The following ESYT2 variants were observed in gnomAD, a reference collection of about 807,000 sequenced individuals.
ESYT2 encodes the protein extended synaptotagmin-2.
Under a neutral mutation model 107.2 loss-of-function variants are expected in ESYT2, and 54 were observed. That is an observed-to-expected ratio of 0.50 (90% CI 0.40 to 0.63). ESYT2 has a LOEUF of 0.63. Ranked by LOEUF, ESYT2 falls within the 30% of genes least tolerant of loss-of-function variation. ESYT2 has a pLI of 0.00. For missense variants in ESYT2, 1,020 were observed against 1,094.5 expected (o/e 0.93, Z 0.96); for synonymous variants, 491 against 434.1 (o/e 1.13, Z -1.63).
chr7:158,737,680 C>T (rs1794178109), intron 19 of ESYT2, among the ~76,000 whole-genome samples: 1 of 152,138 alleles, frequency 6.6e-6, no homozygotes, highest in South Asian at 2.1e-4. Flanking sequence ...CAACAGTATC[C>T]CCCACGATCA....
At chr7:158,799,580 T>C (rs1198270182) in intron 1 of ESYT2, among the ~76,000 whole-genome samples, 2 of 152,184 alleles carry the variant, frequency 1.3e-5, no homozygotes, top group African/African-American at 4.8e-5. Context: ...GCTACAACCA[T>C]GCCTGTGATT....
At chr7:158,761,400 C>T (rs1837954486) in intron 11 of ESYT2, 96 bp downstream of exon 11, 2 of 1,009,362 alleles carry the variant, frequency 2.0e-6, no homozygotes, top group South Asian at 1.3e-5. Context: ...GATTCCGGCA[C>T]TGTGTGATGG....
At chr7:158,741,492 G>A (rs773593905) in intron 18 of ESYT2, 31 bp downstream of exon 18, 3 of 1,534,202 alleles carry the variant, frequency 2.0e-6, no homozygotes, top group South Asian at 2.5e-5. Flanking sequence ...TTGCTCTGCT[G>A]GTGAGAAACA....
rs373530288 is a variant in ESYT2, at chr7:158,755,299, A to G, written c.1420-2456T>C. ...GAAGCACTGATCTGGCTTCACGTTG[A>G]AAACCAATGGGTGGGGGAAAAGTTC... On this transcript the variant is annotated intron_variant, in intron 13 of 22. Coordinates refer to ENST00000275418, the MANE Select transcript of ESYT2 (RefSeq NM_001367773.1). Among the ~76,000 whole-genome samples the G allele has an allele frequency of 2.0e-5, 3 of 152,222 alleles. No individual in the cohort carries two copies. In the East Asian group the frequency reaches 5.8e-4, roughly 29 times the overall value.
chr7:158,828,883 C>CGGGGCT (rs1840541289), intron 1 of ESYT2, among the ~76,000 whole-genome samples: 1 of 129,916 alleles, frequency 7.7e-6, no homozygotes, highest in African/African-American at 2.8e-5. Context: ...GCCCGGGGGC[C>CGGGGCT]GGGGCTGGGG....
At chr7:158,813,476 G>T (rs1237021086) in intron 1 of ESYT2, among the ~76,000 whole-genome samples, 1 of 152,210 alleles carries the variant, frequency 6.6e-6, no homozygotes, top group Non-Finnish European at 1.5e-5. Context: ...AAAGGAAGTT[G>T]TAAGAAGGGA....
intron 13 of ESYT2, among the ~76,000 whole-genome samples, 180 bp downstream of exon 13, chr7:158,759,306 C>T (rs1837877831): frequency 6.6e-6 from 1 of 152,190 alleles, no homozygotes; most frequent in African/African-American, 2.4e-5. Flanking sequence ...GAAATGTATG[C>T]ACTCCCAGAG....
intron 19 of ESYT2, 51 bp downstream of exon 19, chr7:158,738,972 G>C: frequency 6.5e-7 from 1 of 1,537,508 alleles, no homozygotes; most frequent in South Asian, 1.1e-5. Context: ...ATCCTATCCA[G>C]CATCCACACT....
At chr7:158,741,403 A>G in intron 18 of ESYT2, 120 bp downstream of exon 18, 1 of 1,400,066 alleles carries the variant, frequency 7.1e-7, no homozygotes, top group South Asian at 1.4e-5. Flanking sequence ...ACCTAAGATT[A>G]GGCCTCCCTC....
At chr7:158,768,199 A>G (rs1018819370) in intron 7 of ESYT2, among the ~76,000 whole-genome samples, 3 of 152,230 alleles carry the variant, frequency 2.0e-5, no homozygotes, top group African/African-American at 4.8e-5. Flanking sequence ...AAACATACAT[A>G]TAAGTACAGA....
intron 7 of ESYT2, among the ~76,000 whole-genome samples, chr7:158,768,625 C>A (rs1159878415): frequency 6.6e-6 from 1 of 152,006 alleles, no homozygotes; most frequent in African/African-American, 2.4e-5. Flanking sequence ...ACCATGTTGG[C>A]GAGGCTGGTC....
chr7:158,796,230 T>A (rs1228889809), intron 3 of ESYT2, among the ~76,000 whole-genome samples: 2 of 152,152 alleles, frequency 1.3e-5, no homozygotes, highest in Non-Finnish European at 2.9e-5. Context: ...AAAACAATGT[T>A]ACCTTGGACT....
At chr7:158,768,661 A>T (rs1396324848) in intron 7 of ESYT2, among the ~76,000 whole-genome samples, 1 of 151,932 alleles carries the variant, frequency 6.6e-6, no homozygotes, top group Non-Finnish European at 1.5e-5. Flanking sequence ...CAGGTGACCC[A>T]CCCACCTTGG....
At chr7:158,823,975 ATTAATC>A in intron 1 of ESYT2, among the ~76,000 whole-genome samples, 1 of 152,372 alleles carries the variant, frequency 6.6e-6, no homozygotes, top group East Asian at 1.9e-4. Flanking sequence ...TGATAATAAT[ATTAATC>A]TTAAGTAGAA....
At chr7:158,753,647 AAGATG>A (rs1193726368) in intron 13 of ESYT2, among the ~76,000 whole-genome samples, 1 of 150,168 alleles carries the variant, frequency 6.7e-6, no homozygotes, top group African/African-American at 2.5e-5. Flanking sequence ...ATAATGAAGA[AAGATG>A]AGTAACTAGC....
At chr7:158,783,890 T>C (rs184264333) in intron 6 of ESYT2, among the ~76,000 whole-genome samples, 3 of 152,126 alleles carry the variant, frequency 2.0e-5, no homozygotes, top group East Asian at 1.9e-4. Context: ...CCTTCCACCT[T>C]AAGGGACAGA....
chr7:158,770,466 G>C (rs909860124), intron 7 of ESYT2, among the ~76,000 whole-genome samples: 2 of 150,786 alleles, frequency 1.3e-5, no homozygotes, highest in African/African-American at 4.9e-5. Context: ...TTATCTGTTA[G>C]GTAAGTATAT....
intron 7 of ESYT2, among the ~76,000 whole-genome samples, chr7:158,773,027 A>C (rs1838430199): frequency 6.6e-6 from 1 of 152,140 alleles, no homozygotes; most frequent in Admixed American, 6.5e-5. Flanking sequence ...TTTTTACAAA[A>C]TATTAAAAGA....
chr7:158,757,867 C>T (rs1837822992), intron 13 of ESYT2, among the ~76,000 whole-genome samples: 1 of 152,066 alleles, frequency 6.6e-6, no homozygotes, highest in South Asian at 2.1e-4. Flanking sequence ...AGTCAATTCA[C>T]TGATACTATT....
Sources: gnomAD v4.1 joint callset for allele counts (sites outside exome capture counted in the v4.1 genomes callset) on GRCh38, gnomAD v4.1.1 for gene constraint, MANE v1.5 for transcripts, NCBI Gene and HGNC (gene_info 2026-07-23, HGNC 2026-07-21) for gene names.